The following IQANK1 variants were observed in gnomAD, a reference collection of about 807,000 sequenced individuals.
The protein encoded by IQANK1 is IQ motif and ankyrin repeat containing 1.
IQANK1 carries 30 observed loss-of-function variants against 22.6 expected under a neutral mutation model. The observed-to-expected ratio is 1.33, with a 90% CI of 0.99 to 1.80. The LOEUF (loss-of-function observed/expected upper bound fraction) is 1.80. Among genes scored for constraint, IQANK1 ranks in the 40% most tolerant of loss-of-function variants. IQANK1 has a pLI of 0.00. For missense variants in IQANK1, 275 were observed against 235.2 expected (o/e 1.17, Z -1.11); for synonymous variants, 122 against 99.6 (o/e 1.23, Z -1.34).
rs916431452 is a variant in IQANK1, at chr8:143,768,802, C to T, written c.176-2686C>T. Among the ~76,000 whole-genome samples the T allele has an allele frequency of 2.6e-5, 4 of 152,018 alleles. No homozygotes were observed. In the East Asian group the frequency reaches 7.7e-4, roughly 29 times the overall value. ...GTATGAGGTTATATTCAGAACCTTCCCAAGATTGCTTATTGATGATAATCA... is the reference window on the plus strand; with the variant it reads ...GTATGAGGTTATATTCAGAACCTTCTCAAGATTGCTTATTGATGATAATCA... On this transcript the variant is annotated intron_variant, in intron 3 of 13. Transcript: ENST00000527139.
rs1554628627 is a variant in IQANK1 at position 143,758,376 on chromosome 8, T to C, written c.176-13112T>C. 2 of 151,978 alleles carry C rather than the reference T, an allele frequency of 1.3e-5. No homozygotes were observed. 9.4% of individuals were successfully genotyped at this position (151,978 alleles called of 1,614,324 possible). A position where few individuals can be genotyped will look rare whatever the true frequency, so the allele number is the denominator to read the frequency against. On this transcript the variant is annotated intron_variant, in intron 3 of 13. Transcript: ENST00000527139. This position sits in a 1 kb window ranked among gnomAD's most constrained non-coding sequence, Gnocchi z 4.2. ...CTACTCGAAGGCTGACGCAGGAGAA[T>C]CGCTTGAACCTGGGAGGCAGAGGTT... is the stretch of plus-strand genomic sequence containing the variant.
rs1819645496 is a variant in IQANK1 at position 143,774,464 on chromosome 8, C to T, written c.789+1982C>T. ...CCCGAGGAGGTGTTGCACACCACCT[C>T]ACACCTCCCAGGACAGCCCAGGTCA... On this transcript the variant is annotated intron_variant, in intron 7 of 13. Coordinates refer to ENST00000527139, the MANE Select transcript of IQANK1 (RefSeq NM_001381874.1). The surrounding 1 kb of genome is among the most constrained non-coding windows in gnomAD (Gnocchi z 4.2). Among the ~76,000 whole-genome samples the T allele has an allele frequency of 6.6e-6, 1 of 152,212 alleles. No individual in the cohort carries two copies. Among genetic ancestry groups the T allele is most frequent in the African/African-American group, 2.4e-5 (1 of 41,446 alleles).
intron 7 of IQANK1, among the ~76,000 whole-genome samples, chr8:143,773,578 G>A (rs782302539): frequency 6.6e-6 from 1 of 152,036 alleles, no homozygotes; most frequent in Non-Finnish European, 1.5e-5. Flanking sequence ...CAAATCTGGA[G>A]GTGCTGCCTG....
intron 3 of IQANK1, among the ~76,000 whole-genome samples, chr8:143,748,384 A>T (rs1427394240): frequency 7.4e-5 from 11 of 149,274 alleles, no homozygotes; most frequent in African/African-American, 2.7e-4. Flanking sequence ...ATTATTGTAA[A>T]ACTATTTCTC....
At chr8:143,755,388 G>A (rs1819271671) in intron 3 of IQANK1, among the ~76,000 whole-genome samples, 3 of 152,090 alleles carry the variant, frequency 2.0e-5, no homozygotes, top group African/African-American at 4.8e-5. Context: ...TTATTAAGAC[G>A]GAGTCTTGCT....
chr8:143,753,003 T>TG (rs1819223641), intron 3 of IQANK1, among the ~76,000 whole-genome samples: 1 of 135,386 alleles, frequency 7.4e-6, no homozygotes, highest in African/African-American at 2.8e-5. Context: ...TTCGTTTTTT[T>TG]TTTTTTTTTT....
At chr8:143,764,621 A>C (rs1819453938) in intron 3 of IQANK1, among the ~76,000 whole-genome samples, 1 of 152,140 alleles carries the variant, frequency 6.6e-6, no homozygotes, top group South Asian at 2.1e-4. Flanking sequence ...CAAACAAAAC[A>C]AAACTGAAAA....
chr8:143,749,599 A>ATT (rs34038799), intron 3 of IQANK1, among the ~76,000 whole-genome samples: 24 of 137,984 alleles, frequency 1.7e-4, no homozygotes, highest in Non-Finnish European at 3.3e-4. Flanking sequence ...TTATTTATTT[A>ATT]TTTTTTTTTT....
chr8:143,737,060 G>A (rs1002970071), intron 2 of IQANK1, among the ~76,000 whole-genome samples: 6 of 152,144 alleles, frequency 3.9e-5, no homozygotes, highest in African/African-American at 1.4e-4. Context: ...GCTCCTCCAC[G>A]CCAGGCTGGG....
At chr8:143,741,356 C>T (rs537765399) in intron 3 of IQANK1, among the ~76,000 whole-genome samples, 2 of 152,304 alleles carry the variant, frequency 1.3e-5, no homozygotes, top group South Asian at 4.1e-4. Flanking sequence ...TGCATCCTGG[C>T]CACACTGACC....
At chr8:143,777,229 T>C (rs919233713) in intron 7 of IQANK1, among the ~76,000 whole-genome samples, 1 of 151,934 alleles carries the variant, frequency 6.6e-6, no homozygotes, top group Non-Finnish European at 1.5e-5. Context: ...TATGAGATAA[T>C]AATTGGCTGG....
intron 1 of IQANK1, among the ~76,000 whole-genome samples, chr8:143,734,683 CAG>C (rs879957260): frequency 4.0e-4 from 61 of 152,150 alleles, no homozygotes; most frequent in Non-Finnish European, 8.2e-4. Context: ...CACACACAAA[CAG>C]GGGATGCCAT....
chr8:143,772,125 T>C lies in IQANK1; in HGVS notation c.545T>C (p.Val182Ala), dbSNP rs1333905472. Reference protein sequence around the residue: ...AGEARRLQRRVALAECEDSYG... With the variant: ...AGEARRLQRRAALAECEDSYG... ...GAGGCGCGGCGGCTGCAGCGACGCG[T>C]GGCTCTGGCGGAGTGCGAGGACAGC... Residue 182 changes from valine (V) to alanine (A), a missense_variant, in exon 6 of 14, where the codon GTG becomes GCG. Transcript: ENST00000527139. 2 of 395,372 alleles carry C rather than the reference T, an allele frequency of 5.1e-6. No individual in the cohort carries two copies. Among genetic ancestry groups the C allele is most frequent in the African/African-American group, 4.1e-5 (2 of 48,392 alleles). 24.5% of individuals were successfully genotyped at this position (395,372 alleles called of 1,614,324 possible).
At chr8:143,769,761 C>T (rs1819539284) in intron 3 of IQANK1, among the ~76,000 whole-genome samples, 1 of 152,202 alleles carries the variant, frequency 6.6e-6, no homozygotes, top group Admixed American at 6.5e-5. Context: ...TGCCGTCAGA[C>T]ACTTGTTTAA....
intron 3 of IQANK1, among the ~76,000 whole-genome samples, chr8:143,765,454 T>C (rs949859422): frequency 6.6e-6 from 1 of 152,208 alleles, no homozygotes; most frequent in African/African-American, 2.4e-5. Flanking sequence ...TTACTGGATA[T>C]AAAATGAGCC....
chr8:143,779,638 ATTTTCTGTCTTCATTCAT>A (rs1270444900), intron 7 of IQANK1, among the ~76,000 whole-genome samples: 7 of 151,944 alleles, frequency 4.6e-5, no homozygotes, highest in Non-Finnish European at 1.0e-4. Context: ...TTATCCTTTT[ATTTTCTGTCTTCATTCAT>A]TTTCCGTCTA....
At chr8:143,760,307 A>G (rs565629290) in intron 3 of IQANK1, 44 of 152,352 alleles carry the variant, frequency 2.9e-4, no homozygotes, top group African/African-American at 8.9e-4. Flanking sequence ...GGTCTGTCTC[A>G]TGGCACATTC....
chr8:143,776,358 A>G (rs1236878913), intron 7 of IQANK1, among the ~76,000 whole-genome samples: 1 of 151,894 alleles, frequency 6.6e-6, no homozygotes, highest in Admixed American at 6.6e-5. Context: ...AAAAGAAAAA[A>G]GAAAAAAATT....
intron 7 of IQANK1, among the ~76,000 whole-genome samples, chr8:143,775,754 T>A (rs996259084): frequency 7.4e-6 from 1 of 134,286 alleles, no homozygotes; most frequent in African/African-American, 3.0e-5. Flanking sequence ...AGAGTGAGAT[T>A]CCGCCTCAAA....
Sources: allele counts gnomAD v4.1 joint callset (sites outside exome capture counted in the v4.1 genomes callset), GRCh38; gene constraint gnomAD v4.1.1; non-coding constraint Gnocchi (gnomAD v3.1); transcripts MANE v1.5; gene names NCBI Gene and HGNC (gene_info 2026-07-23, HGNC 2026-07-21).